ZNF512: variants seen among roughly 807,000 people sequenced by gnomAD.
The protein encoded by ZNF512 is zinc finger protein 512.
Under a neutral mutation model 77.5 loss-of-function variants are expected in ZNF512, and 25 were observed. That is an observed-to-expected ratio of 0.32 (90% CI 0.23 to 0.45). The LOEUF is 0.45. ZNF512 is among the 20% of genes least tolerant of loss of function. The pLI is 1.00. For missense variants in ZNF512, 483 were observed against 692.6 expected (o/e 0.70, Z 3.40); for synonymous variants, 246 against 239.9 (o/e 1.03, Z -0.24).
At chr2:27,598,877 A>G (rs1308094869) in intron 3 of ZNF512, among the ~76,000 whole-genome samples, 2 of 151,476 alleles carry the variant, frequency 1.3e-5, no homozygotes, top group Non-Finnish European at 2.9e-5. Context: ...TCTTGCCCAG[A>G]CTAGAGTGCA....
At chr2:27,601,323 C>A (rs2148021225) in intron 6 of ZNF512, 33 bp from the exon 7 acceptor site, 2 of 1,504,804 alleles carry the variant, frequency 1.3e-6, no homozygotes, top group East Asian at 2.3e-5. Flanking sequence ...CTCTGTGGAA[C>A]AACCTAGCAC....
chr2:27,595,603 C>T (rs562980142), intron 2 of ZNF512, among the ~76,000 whole-genome samples: 124 of 152,258 alleles, frequency 8.1e-4, no homozygotes, highest in Non-Finnish European at 1.2e-3. Context: ...GGATTACAGG[C>T]GTGAGCCACT....
chr2:27,602,685 A>G (rs1672175020), intron 8 of ZNF512, 124 bp downstream of exon 8: 2 of 726,558 alleles, frequency 2.8e-6, no homozygotes, highest in African/African-American at 3.6e-5. Flanking sequence ...TGGTCTCTTG[A>G]ATCATTAATA....
intron 10 of ZNF512, among the ~76,000 whole-genome samples, chr2:27,609,738 G>A (rs1248731871): frequency 6.6e-6 from 1 of 151,982 alleles, no homozygotes; most frequent in Non-Finnish European, 1.5e-5. Flanking sequence ...ACGTGGAGGC[G>A]AGTGCCCGTA....
chr2:27,595,219 A>G (rs1352628049), intron 2 of ZNF512, among the ~76,000 whole-genome samples: 1 of 152,018 alleles, frequency 6.6e-6, no homozygotes, highest in Admixed American at 6.6e-5. Context: ...CTTAAGTTAA[A>G]ACGTTTGGTA....
chr2:27,600,610 C>G (rs1292470751), intron 5 of ZNF512, 81 bp from the exon 6 acceptor site: 1 of 1,519,210 alleles, frequency 6.6e-7, no homozygotes, highest in African/African-American at 1.4e-5. Context: ...TTTTATGATA[C>G]TTTTCCTAAA....
At chr2:27,613,833 C>T (rs1303657904) in intron 10 of ZNF512, among the ~76,000 whole-genome samples, 1 of 151,900 alleles carries the variant, frequency 6.6e-6, no homozygotes, top group East Asian at 1.9e-4. Context: ...GATAGTACTT[C>T]ATTTACATAA....
intron 1 of ZNF512, chr2:27,583,356 T>A: frequency 7.7e-7 from 1 of 1,302,674 alleles, no homozygotes; most frequent in Non-Finnish European, 1.0e-6. Flanking sequence ...ACATTACCAT[T>A]AGTTTCTATT....
chr2:27,597,940 C>A (rs1230756193), intron 2 of ZNF512, 127 bp from the exon 3 acceptor site: 3 of 613,344 alleles, frequency 4.9e-6, no homozygotes, highest in Non-Finnish European at 8.3e-6. Flanking sequence ...TTACAACTTA[C>A]ATTCTGTTTT....
intron 7 of ZNF512, 65 bp from the exon 8 acceptor site, chr2:27,602,397 AT>A: frequency 5.7e-5 from 85 of 1,491,924 alleles, no homozygotes; most frequent in Admixed American, 2.3e-4. Flanking sequence ...CTCCTCTGAT[AT>A]TTTTTTTCCC....
At chr2:27,593,391 CAAAAA>C (rs572251742) in intron 2 of ZNF512, among the ~76,000 whole-genome samples, 1 of 76,732 alleles carries the variant, frequency 1.3e-5, no homozygotes, top group African/African-American at 3.7e-5. Context: ...GACCTTGTCT[CAAAAA>C]AAAAAAAAAA....
At chr2:27,603,549 T>C (rs551853585) in intron 9 of ZNF512, among the ~76,000 whole-genome samples, 113 of 130,024 alleles carry the variant, frequency 8.7e-4, no homozygotes, top group African/African-American at 3.3e-3. Context: ...TATTATATAT[T>C]TTATATCTTA....
intron 2 of ZNF512, among the ~76,000 whole-genome samples, chr2:27,591,582 T>C (rs1463857966): frequency 1.3e-5 from 2 of 152,186 alleles, no homozygotes; most frequent in African/African-American, 2.4e-5. Context: ...GCCCAGCTTT[T>C]GTATTTTTAG....
At chr2:27,600,572 C>T (rs753895580) in intron 5 of ZNF512, 119 bp from the exon 6 acceptor site, 44 of 1,181,428 alleles carry the variant, frequency 3.7e-5, no homozygotes, top group Non-Finnish European at 5.0e-5. Context: ...GCCTCTTCAT[C>T]GCAGTCTACC....
At position 27,583,728 on chromosome 2, in the gene ZNF512, T is replaced by C; in HGVS notation, c.89+12T>C. On this transcript the variant is annotated intron_variant, in intron 2 of 13. Transcript: ENST00000355467. The stretch of plus-strand genomic sequence containing the variant: ...GTGGGAGCTAAGAAGTAAGTGAGGT[T>C]TTCTAAGGTCCTTTTATGATTGTGT... 6.2e-7 allele frequency: 1 copy of C among 1,613,546 alleles called. No individual in the cohort carries two copies. Among genetic ancestry groups the C allele is most frequent in the Non-Finnish European group, 8.5e-7 (1 of 1,179,868 alleles).
At chr2:27,620,218 A>G (rs1212744295) in intron 13 of ZNF512, among the ~76,000 whole-genome samples, 1 of 152,198 alleles carries the variant, frequency 6.6e-6, no homozygotes, top group Non-Finnish European at 1.5e-5. Flanking sequence ...CATTTTTTTC[A>G]TAACAAGTCT....
Position 27,607,842 on chromosome 2 carries a change from C to T in ZNF512, c.937-3C>T, listed in dbSNP as rs1048028037. On this transcript the variant is annotated splice_region_variant and splice_polypyrimidine_tract_variant and intron_variant, in intron 9 of 13. Transcript: ENST00000355467. The stretch of plus-strand genomic sequence containing the variant: ...TGTGTTTTGCTGTGTCTCATTCTTG[C>T]AGATATCCTTCTTTCCAGAGTCAGG... The T allele has an allele frequency of 1.2e-6, 2 of 1,613,846 alleles. No homozygotes were observed. Among genetic ancestry groups the T allele is most frequent in the African/African-American group, 2.7e-5 (2 of 74,914 alleles).
At chr2:27,617,887 G>A (rs62138971) in intron 13 of ZNF512, among the ~76,000 whole-genome samples, 35,483 of 139,120 alleles carry the variant, frequency 0.26, 4,687 homozygotes, top group East Asian at 0.4. Context: ...TCCAGCCTAG[G>A]CAACAGAGAT....
At position 27,609,023 on chromosome 2, in the gene ZNF512, C is replaced by G. The variant is rs111890215; in HGVS notation, c.1131+984C>G. 5.6e-3 allele frequency among the ~76,000 whole-genome samples: 842 copies of G among 151,326 alleles called. 4 individuals carry two copies. The highest frequency in any genetic ancestry group is 0.02 in the African/African-American group (807 of 41,238). On this transcript the variant is annotated intron_variant, in intron 10 of 13. Coordinates refer to ENST00000355467, the MANE Select transcript of ZNF512 (RefSeq NM_032434.4). ...ACTCAGGAGGCTGAGGCAGGAGAATCGCTTGAACCCGGGAGGTGGAGGTTG... is the reference window on the plus strand; with the variant it reads ...ACTCAGGAGGCTGAGGCAGGAGAATGGCTTGAACCCGGGAGGTGGAGGTTG...
Sources: allele counts gnomAD v4.1 joint callset (sites outside exome capture counted in the v4.1 genomes callset), GRCh38; gene constraint gnomAD v4.1.1; transcripts MANE v1.5; gene names NCBI Gene and HGNC (gene_info 2026-07-23, HGNC 2026-07-21).